Variants in GABRG3 observed in about 807,000 individuals in gnomAD.
GABRG3 encodes the protein gamma-aminobutyric acid type A receptor subunit gamma3, also known as gamma-aminobutyric acid receptor subunit gamma-3.
GABRG3 carries 25 observed loss-of-function variants against 48.8 expected under a neutral mutation model. The observed-to-expected ratio is 0.51, with a 90% CI of 0.37 to 0.72. The LOEUF is 0.72. GABRG3 is among the 30% of genes least tolerant of loss of function. The probability of loss-of-function intolerance (pLI) is 0.00; values close to 1 mark genes in which losing one functional copy is unlikely to be tolerated. For synonymous variants in GABRG3, 227 were observed against 217.6 expected (o/e 1.04, Z -0.38); for missense variants, 394 against 577.9 (o/e 0.68, Z 3.26).
At chr15:27,120,972 C>T (rs1185890147) in intron 3 of GABRG3, among the ~76,000 whole-genome samples, 10 of 152,124 alleles carry the variant, frequency 6.6e-5, no homozygotes, top group Admixed American at 6.5e-4. Flanking sequence ...CTTAAAATAA[C>T]AAAGTAAGTA....
intron 5 of GABRG3, among the ~76,000 whole-genome samples, chr15:27,436,785 T>G (rs1265268865): frequency 6.6e-6 from 1 of 152,020 alleles, no homozygotes; most frequent in Non-Finnish European, 1.5e-5. Flanking sequence ...AAAAGAGCAG[T>G]GCAAGGGATG....
intron 3 of GABRG3, among the ~76,000 whole-genome samples, chr15:27,142,522 A>G (rs867596586): frequency 2.0e-5 from 3 of 152,134 alleles, no homozygotes; most frequent in Non-Finnish European, 2.9e-5. Context: ...TCATGATTCA[A>G]TTATCTCCTA....
intron 3 of GABRG3, among the ~76,000 whole-genome samples, chr15:27,190,120 C>T (rs1231007456): frequency 2.0e-5 from 3 of 152,226 alleles, no homozygotes; most frequent in South Asian, 2.1e-4. Context: ...CTGCTGGATT[C>T]GGTTTGCCAG....
At chr15:27,306,796 CAT>C (rs1176533366) in intron 3 of GABRG3, among the ~76,000 whole-genome samples, 21 of 42,140 alleles carry the variant, frequency 5.0e-4, no homozygotes, top group Non-Finnish European at 5.6e-4. Context: ...TATATATAAA[CAT>C]ACAATATAAA....
chr15:27,320,018 G>T (rs960608053), intron 3 of GABRG3, among the ~76,000 whole-genome samples: 1 of 152,066 alleles, frequency 6.6e-6, no homozygotes, highest in Admixed American at 6.5e-5. Flanking sequence ...TCCACCAGGG[G>T]GTCCTGGCCC....
intron 3 of GABRG3, among the ~76,000 whole-genome samples, chr15:27,123,657 A>G (rs1897769442): frequency 6.6e-6 from 1 of 152,198 alleles, no homozygotes; most frequent in Non-Finnish European, 1.5e-5. Context: ...ATGGGTGCGT[A>G]TGACACACAG....
At chr15:27,484,736 C>G (rs1364252064) in intron 6 of GABRG3, among the ~76,000 whole-genome samples, 1 of 152,174 alleles carries the variant, frequency 6.6e-6, no homozygotes, top group Non-Finnish European at 1.5e-5. Context: ...ACACTCACCT[C>G]ACACCCAGCC....
chr15:27,307,398 G>T lies in GABRG3; in HGVS notation c.271-19411G>T, dbSNP rs1204726308. Among the ~76,000 whole-genome samples the T allele has an allele frequency of 8.0e-5, 7 of 87,804 alleles. 1 individual carries two copies. Among genetic ancestry groups the T allele is most frequent in the African/African-American group, 2.4e-4 (6 of 24,742 alleles). 57.6% of individuals were successfully genotyped at this position (87,804 alleles called of 152,430 possible). A position where few individuals can be genotyped will look rare whatever the true frequency, so the allele number is the denominator to read the frequency against. On this transcript the variant is annotated intron_variant, in intron 3 of 9. Transcript: ENST00000615808. ...TTATATATTTATATATAACCATATA[G>T]GTTTATATATTTATATATAAACATA... is the stretch of plus-strand genomic sequence containing the variant.
At chr15:27,244,548 C>T (rs1890219454) in intron 3 of GABRG3, among the ~76,000 whole-genome samples, 2 of 152,234 alleles carry the variant, frequency 1.3e-5, no homozygotes, top group South Asian at 2.1e-4. Context: ...ACTTGCTGCA[C>T]ATGTGTATTG....
intron 6 of GABRG3, among the ~76,000 whole-genome samples, chr15:27,517,499 C>T (rs964728306): frequency 6.6e-6 from 1 of 152,232 alleles, no homozygotes; most frequent in Non-Finnish European, 1.5e-5. Flanking sequence ...GAGCTCCTCT[C>T]ACCCCAGGCA....
chr15:27,154,743 T>C (rs967785259), intron 3 of GABRG3, among the ~76,000 whole-genome samples: 2 of 152,150 alleles, frequency 1.3e-5, no homozygotes, highest in African/African-American at 4.8e-5. Context: ...TTAATATGTA[T>C]CTTTAAGGTT....
intron 5 of GABRG3, among the ~76,000 whole-genome samples, chr15:27,349,127 G>T (rs1894472192): frequency 6.6e-6 from 1 of 152,152 alleles, no homozygotes; most frequent in Admixed American, 6.6e-5. Flanking sequence ...AATGACTTCA[G>T]TATTTGATGT....
At chr15:27,130,277 A>T (rs1346891724) in intron 3 of GABRG3, among the ~76,000 whole-genome samples, 3 of 152,076 alleles carry the variant, frequency 2.0e-5, no homozygotes, top group Non-Finnish European at 4.4e-5. Context: ...CTGGATATCC[A>T]GTTTTTTCAA....
At chr15:27,185,782 T>C (rs1888073145) in intron 3 of GABRG3, among the ~76,000 whole-genome samples, 1 of 152,132 alleles carries the variant, frequency 6.6e-6, no homozygotes, top group African/African-American at 2.4e-5. Flanking sequence ...CATTATTTAA[T>C]GTCCATTTGT....
At chr15:27,057,877 A>G (rs578058769) in intron 3 of GABRG3, among the ~76,000 whole-genome samples, 1 of 152,332 alleles carries the variant, frequency 6.6e-6, no homozygotes, top group East Asian at 1.9e-4. Flanking sequence ...CCACTACCAG[A>G]AGGAAAGTCA....
chr15:27,176,022 T>C (rs1332703458), intron 3 of GABRG3, among the ~76,000 whole-genome samples: 1 of 128,586 alleles, frequency 7.8e-6, no homozygotes, highest in East Asian at 2.0e-4. Flanking sequence ...GTAAACAGTA[T>C]GCTGGGAAAA....
At chr15:27,041,044 A>AT (rs5811471) in intron 3 of GABRG3, among the ~76,000 whole-genome samples, 103,771 of 151,978 alleles carry the variant, frequency 0.68, 35,793 homozygotes, top group East Asian at 0.77. Flanking sequence ...ATTTACTGAA[A>AT]TTTTTTTCTC....
intron 3 of GABRG3, among the ~76,000 whole-genome samples, chr15:27,101,556 A>G (rs146708904): frequency 2.6e-5 from 4 of 152,310 alleles, no homozygotes; most frequent in Admixed American, 6.5e-5. Flanking sequence ...TAGCTACATA[A>G]TCAAGACAGT....
intron 6 of GABRG3, among the ~76,000 whole-genome samples, chr15:27,507,752 G>A (rs1890796369): frequency 1.3e-5 from 2 of 152,032 alleles, no homozygotes; most frequent in Admixed American, 1.3e-4. Flanking sequence ...ACTTAGAAAA[G>A]ATTATTAAAT....
Sources: allele counts gnomAD v4.1 joint callset (sites outside exome capture counted in the v4.1 genomes callset), GRCh38; gene constraint gnomAD v4.1.1; transcripts MANE v1.5; gene names NCBI Gene and HGNC (gene_info 2026-07-23, HGNC 2026-07-21).